GPLD1: variants seen among roughly 807,000 people sequenced by gnomAD.
The protein encoded by GPLD1 is glycosylphosphatidylinositol specific phospholipase D1, also known as phosphatidylinositol-glycan-specific phospholipase D.
A neutral mutation model predicts 112.6 loss-of-function variants in GPLD1; 84 were observed. That is an observed-to-expected ratio of 0.75 (90% CI 0.63 to 0.89). The LOEUF (loss-of-function observed/expected upper bound fraction) is 0.89, where lower values mean the gene tolerates loss of function less well. Among genes scored for constraint, GPLD1 ranks in the 40% least tolerant of loss-of-function variants. The pLI is 0.00. For missense variants in GPLD1, 1,044 were observed against 1,051.5 expected (o/e 0.99, Z 0.10); for synonymous variants, 386 against 403.8 (o/e 0.96, Z 0.53).
upstream of GPLD1, among the ~76,000 whole-genome samples, chr6:24,492,372 G>A (rs1231935375): frequency 1.3e-5 from 2 of 152,008 alleles, no homozygotes; most frequent in Admixed American, 6.6e-5. Context: ...CAGGCATGGT[G>A]GCGCGCACCT....
In GPLD1 at chr6:24,454,103, A is replaced by C. The variant is rs1419392236; in HGVS notation, c.1247T>G (p.Val416Gly). Residue 416 changes from valine (V) to glycine (G), a missense_variant, in exon 14 of 25, where the codon GTG becomes GGG. Transcript: ENST00000230036. Reference sequence around the variant, plus strand: ...CAGGTCATTGCCGTAGATGAGGTACACGCGCCCGATGTGGATGTGGCCGGG... The same window carrying C: ...CAGGTCATTGCCGTAGATGAGGTACCCGCGCCCGATGTGGATGTGGCCGGG... ...SRPGHIHIGR[V>G]YLIYGNDLGL... is the part of the protein sequence containing the mutation. 37 of 1,613,994 alleles carry C rather than the reference A, an allele frequency of 2.3e-5. No homozygotes were observed. Among genetic ancestry groups the C allele is most frequent in the Non-Finnish European group, 3.1e-5 (37 of 1,179,898 alleles).
rs951184319 is a variant in GPLD1, at chr6:24,427,884, A to G, written c.*1148T>C. ...AAAAAAAAGGACTATCATCCTTAGC[A>G]AACTAACACACGACCAGGAACAGAA... is the stretch of plus-strand genomic sequence containing the variant. On this transcript the variant is annotated 3_prime_UTR_variant, in exon 25 of 25. Transcript: ENST00000230036. Among the ~76,000 whole-genome samples, 3 of 148,104 alleles carry G rather than the reference A, an allele frequency of 2.0e-5. No individual in the cohort carries two copies. In the East Asian group the frequency reaches 6.0e-4, roughly 30 times the overall value.
At position 24,472,887 on chromosome 6, in the gene GPLD1, T is replaced by G. The variant is rs183443375; in HGVS notation, c.491-251A>C. 2.8e-4 allele frequency among the ~76,000 whole-genome samples: 42 copies of G among 152,114 alleles called. No homozygotes were observed. The East Asian group carries it at 8.1e-3, about 29-fold the overall frequency. On this transcript the variant is annotated intron_variant, in intron 6 of 24. Transcript: ENST00000230036. ...GCCTCCTGGGTTCAAGCAATTCTCC[T>G]GCCTCAGCCTCCCTCGTAGCTGGGA...
In GPLD1 at chr6:24,460,391, A is replaced by G. The variant is rs758063634; in HGVS notation, c.896T>C (p.Met299Thr). ...ATTTCTGTGAAAATCATTTTTCTGC[A>G]TTTTTGAGCTGTTGAAGAGAAAGAG... ...GQQNHTQGSKMQKNDFHRNLT... is the reference protein window; with the variant it reads ...GQQNHTQGSKTQKNDFHRNLT... Residue 299 changes from methionine (M) to threonine (T), a missense_variant, in exon 12 of 25, where the codon ATG (methionine) becomes ACG (threonine). By Grantham distance (81) the Met-to-Thr change is moderately conservative. Transcript: ENST00000230036. 4.3e-6 allele frequency: 7 copies of G among 1,613,780 alleles called. No individual in the cohort carries two copies. The South Asian group carries it at 6.6e-5, about 15-fold the overall frequency.
Position 24,447,942 on chromosome 6 carries a change from G to A in GPLD1, c.1613C>T (p.Pro538Leu). The change falls in exon 17 of 25, where the codon CCA (proline) becomes CTA (leucine). Residue 538 changes from proline (P) to leucine (L), a missense_variant. By Grantham distance (98) the Pro-to-Leu change is moderately conservative. Coordinates refer to ENST00000230036, the MANE Select transcript of GPLD1 (RefSeq NM_001503.4). ...AATTCCCTTCTGCTTCCCTCCACCT[G>A]GTGCAAAAGGGGAGCCGATGACCAG... is the stretch of plus-strand genomic sequence containing the variant. ...PDLVIGSPFA[P>L]GGGKQKGIVA... 1 of 1,613,912 alleles carries A rather than the reference G, an allele frequency of 6.2e-7. No homozygotes were observed. The highest frequency in any genetic ancestry group is 8.5e-7 in the Non-Finnish European group (1 of 1,179,980).
At chr6:24,450,919 C>A (rs144985233) in intron 14 of GPLD1, among the ~76,000 whole-genome samples, 500 of 152,218 alleles carry the variant, frequency 3.3e-3, no homozygotes, top group African/African-American at 0.011. Flanking sequence ...TTGCAGTGAG[C>A]CGAGATCATG....
rs72112585 is a variant in GPLD1 at position 24,427,845 on chromosome 6, CAAAAAAAAAAAAA to C, written c.*1174_*1186del. Among the ~76,000 whole-genome samples the C allele has an allele frequency of 0.2, 17,346 of 87,856 alleles. 1,576 individuals carry two copies. The highest frequency in any genetic ancestry group is 0.28 in the South Asian group (676 of 2,374). The allele number at this position is 87,856 out of a possible 152,430, so 57.6% of individuals were successfully genotyped here. A position where few individuals can be genotyped will look rare whatever the true frequency, so the allele number is the denominator to read the frequency against. On this transcript the variant is annotated 3_prime_UTR_variant, in exon 25 of 25. Coordinates refer to ENST00000230036, the MANE Select transcript of GPLD1 (RefSeq NM_001503.4). The stretch of plus-strand genomic sequence containing the variant: ...TGGGCAACAGAGCAAGACTCCGTCT[CAAAAAAAAAAAAA>C]AAAAAAAAGGACTATCATCCTTAGC...
At chr6:24,454,224 C>T (rs766813243) in intron 13 of GPLD1, 23 bp from the exon 14 acceptor site, 1 of 1,582,056 alleles carries the variant, frequency 6.3e-7, no homozygotes, top group Non-Finnish European at 8.6e-7. Context: ...AAGGGACCCA[C>T]CATGGTATGC....
intron 20 of GPLD1, among the ~76,000 whole-genome samples, chr6:24,441,948 TTATA>T (rs1364793199): frequency 6.7e-6 from 1 of 148,960 alleles, no homozygotes; most frequent in Non-Finnish European, 1.5e-5. Flanking sequence ...TAATTCATAT[TTATA>T]TATAATATAT....
chr6:24,473,364 T>G (rs1333305006), intron 6 of GPLD1: 1 of 290,738 alleles, frequency 3.4e-6, no homozygotes, highest in African/African-American at 2.2e-5. Flanking sequence ...ATAAGTAAAG[T>G]TTTTCTAAAA....
At position 24,467,216 on chromosome 6, in the gene GPLD1, T is replaced by C. The variant is rs367805287; in HGVS notation, c.604A>G (p.Ile202Val). The change falls in exon 8 of 25, where the codon ATC (isoleucine) becomes GTC (valine). Residue 202 changes from isoleucine (I) to valine (V), a missense_variant. By Grantham distance (29) the Ile-to-Val change is conservative. Coordinates refer to ENST00000230036, the MANE Select transcript of GPLD1 (RefSeq NM_001503.4). The stretch of plus-strand genomic sequence containing the variant: ...CAATCAACGATTACATTTTCGGTGA[T>C]GACTTTTCGACCATACAGTTTCTCA... ...IYEKLYGRKVITENVIVDCSH... is the reference protein window; with the variant it reads ...IYEKLYGRKVVTENVIVDCSH... 8 of 1,609,214 alleles carry C rather than the reference T, an allele frequency of 5.0e-6. No homozygotes were observed. The highest frequency in any genetic ancestry group is 6.8e-6 in the Non-Finnish European group (8 of 1,175,522).
chr6:24,477,492 G>A (rs1043174839), intron 3 of GPLD1, among the ~76,000 whole-genome samples: 25 of 152,194 alleles, frequency 1.6e-4, no homozygotes, highest in African/African-American at 5.5e-4. Context: ...GCTGAAGTGG[G>A]AGGACCCCCT....
At chr6:24,460,164 C>G (rs1018659872) in intron 12 of GPLD1, 115 bp downstream of exon 12, 1 of 1,240,860 alleles carries the variant, frequency 8.1e-7, no homozygotes, top group Admixed American at 1.9e-5. Flanking sequence ...TCCCAGCCAC[C>G]ACATCCCACC....
rs1272743352 is a variant in GPLD1, at chr6:24,449,866, ACACAGCCAAGG to A, written c.1358_1368del (p.Ala453ValfsTer4). On this transcript the variant is annotated frameshift_variant, in exon 15 of 25. Transcript: ENST00000230036. LOFTEE classifies it high-confidence loss of function. ...GGCACGCCGTCCACGTTAAAGTCCA[ACACAGCCAAGG>A]CCGAGCCAAACCGACCTGAGGGCTG... is the stretch of plus-strand genomic sequence containing the variant. The A allele has an allele frequency of 6.2e-7, 1 of 1,613,806 alleles. No individual in the cohort carries two copies. Among genetic ancestry groups the A allele is most frequent in the Admixed American group, 1.7e-5 (1 of 59,972 alleles).
chr6:24,456,025 A>T (rs867767528), intron 13 of GPLD1, among the ~76,000 whole-genome samples: 21 of 152,154 alleles, frequency 1.4e-4, no homozygotes, highest in South Asian at 4.1e-4. Context: ...AGAAAAAAAA[A>T]TTTTTTTAAT....
intron 22 of GPLD1, among the ~76,000 whole-genome samples, chr6:24,435,519 T>C (rs1260735780): frequency 6.6e-6 from 1 of 152,122 alleles, no homozygotes; most frequent in African/African-American, 2.4e-5. Flanking sequence ...AAAATTTCCA[T>C]AATAAACTTT....
intron 3 of GPLD1, among the ~76,000 whole-genome samples, chr6:24,479,017 C>T (rs1486317269): frequency 6.6e-6 from 1 of 152,076 alleles, no homozygotes; most frequent in African/African-American, 2.4e-5. Context: ...CAAAAATTGC[C>T]TAAATCCAAA....
intron 20 of GPLD1, among the ~76,000 whole-genome samples, chr6:24,437,896 T>A (rs1762629913): frequency 6.6e-6 from 1 of 152,174 alleles, no homozygotes; most frequent in Non-Finnish European, 1.5e-5. Flanking sequence ...TTTCCTAATC[T>A]CGCTGGTCTA....
chr6:24,488,901 G>GAT (rs1428364259), intron 1 of GPLD1, among the ~76,000 whole-genome samples: 5 of 152,146 alleles, frequency 3.3e-5, no homozygotes, highest in African/African-American at 1.2e-4. Flanking sequence ...CGTGCATGTG[G>GAT]ATAACTAAAC....
Sources: allele counts gnomAD v4.1 joint callset (sites outside exome capture counted in the v4.1 genomes callset), GRCh38; gene constraint gnomAD v4.1.1; transcripts MANE v1.5; gene names NCBI Gene and HGNC (gene_info 2026-07-23, HGNC 2026-07-21).